MSN: variants seen among roughly 807,000 people sequenced by gnomAD.
MSN encodes the protein moesin.
Under a neutral mutation model 48.0 loss-of-function variants are expected in MSN, and 2 were observed. The ratio of observed to expected loss-of-function variants is 0.04; its 90% CI spans 0.02 to 0.13. The LOEUF (loss-of-function observed/expected upper bound fraction) is 0.13. Among genes scored for constraint, MSN ranks in the 10% least tolerant of loss-of-function variants. The pLI is 1.00. For synonymous variants in MSN, 146 were observed against 166.9 expected (o/e 0.87, Z 0.97); for missense variants, 267 against 470.1 (o/e 0.57, Z 3.99).
intron 1 of MSN, among the ~76,000 whole-genome samples, chrX:65,654,032 T>TCCC (rs1444538102): frequency 9.2e-6 from 1 of 108,428 alleles, no homozygotes; most frequent in Non-Finnish European, 1.9e-5. Context: ...TGCCTCGGCC[T>TCCC]CCCAGTGTGC....
intron 1 of MSN, among the ~76,000 whole-genome samples, chrX:65,670,896 TTATATATATATA>T (rs57076717): frequency 0.026 from 367 of 13,990 alleles, 4 homozygotes; most frequent in Admixed American, 0.035. Context: ...ATGATGACAG[TTATATATATATA>T]TATATATATA....
chrX:65,682,546 A>G (rs1011043336), intron 1 of MSN, among the ~76,000 whole-genome samples: 1 of 111,541 alleles, frequency 9.0e-6, no homozygotes, highest in African/African-American at 3.3e-5. Flanking sequence ...GCTCAAGGTC[A>G]TGTATTGAGG....
At chrX:65,721,956 C>G (rs1208511895) in intron 2 of MSN, among the ~76,000 whole-genome samples, 1 of 111,578 alleles carries the variant, frequency 9.0e-6, no homozygotes, top group East Asian at 2.8e-4. Flanking sequence ...GTGGTGCATG[C>G]CTGTAGTCCT....
intron 1 of MSN, among the ~76,000 whole-genome samples, chrX:65,621,884 A>G (rs1226443187): frequency 9.0e-6 from 1 of 111,653 alleles, no homozygotes; most frequent in Non-Finnish European, 1.9e-5. Flanking sequence ...ATTCTTTTAG[A>G]TGCCATTTTA....
intron 1 of MSN, among the ~76,000 whole-genome samples, chrX:65,670,947 TATA>T (rs2070934090): frequency 1.8e-5 from 1 of 56,774 alleles, no homozygotes; most frequent in Admixed American, 2.1e-4. Context: ...TATATATATA[TATA>T]TATATTTAAA....
intron 1 of MSN, among the ~76,000 whole-genome samples, chrX:65,601,445 T>C (rs956200422): frequency 4.4e-4 from 50 of 112,404 alleles, no homozygotes; most frequent in African/African-American, 1.5e-3. Context: ...TTAAAAGAAG[T>C]AGAATAACTT....
At chrX:65,634,288 G>T (rs763472205) in intron 1 of MSN, among the ~76,000 whole-genome samples, 2 of 112,332 alleles carry the variant, frequency 1.8e-5, no homozygotes, top group East Asian at 5.6e-4. Flanking sequence ...TGATGCTCCC[G>T]TCTGTATGTA....
intron 1 of MSN, among the ~76,000 whole-genome samples, chrX:65,594,058 C>T (rs1182297155): frequency 2.7e-5 from 3 of 111,530 alleles, no homozygotes; most frequent in South Asian, 7.4e-4. Context: ...GAGAGGTTTC[C>T]GTTTAAGGAA....
At position 65,737,190 on chromosome X, in the gene MSN, A is replaced by G; in HGVS notation, c.1103A>G (p.Gln368Arg). 1 of 1,205,452 alleles carries G rather than the reference A, an allele frequency of 8.3e-7. No individual in the cohort carries two copies. The highest frequency in any genetic ancestry group is 1.1e-6 in the Non-Finnish European group (1 of 892,352). Residue 368 changes from glutamine to arginine, a missense_variant, in exon 10 of 13, where the codon CAG (glutamine) becomes CGG (arginine). Around this residue, in one of 5 missense-constraint regions of MSN, gnomAD observed 70 missense variants for 76.3 expected, o/e 0.92. Transcript: ENST00000360270. The part of the protein sequence containing the change: ...TKKAQQELEE[Q>R]TRRALELEQE... ...CTTTTCTGCTCAGAACTGGAAGAACAGACCCGTAGGGCTCTGGAACTTGAG... is the reference window on the plus strand; with the variant it reads ...CTTTTCTGCTCAGAACTGGAAGAACGGACCCGTAGGGCTCTGGAACTTGAG...
At chrX:65,731,015 G>A in intron 4 of MSN, 92 bp from the exon 5 acceptor site, 1 of 701,767 alleles carries the variant, frequency 1.4e-6, no homozygotes, top group Non-Finnish European at 2.1e-6. Context: ...CATCCTCTTT[G>A]CATCAGCCCC....
chrX:65,632,425 T>C (rs1458651092), intron 1 of MSN, among the ~76,000 whole-genome samples: 1 of 112,496 alleles, frequency 8.9e-6, no homozygotes, highest in Non-Finnish European at 1.9e-5. Flanking sequence ...ATCTGTGGTA[T>C]GCTGTTGTAG....
intron 1 of MSN, among the ~76,000 whole-genome samples, chrX:65,654,710 G>A (rs751632279): frequency 1.8e-5 from 2 of 111,279 alleles, no homozygotes; most frequent in South Asian, 3.7e-4. Context: ...AGGCATATAC[G>A]TATGAATAAA....
chrX:65,731,247 C>T (rs1235133564), intron 5 of MSN, 57 bp downstream of exon 5: 22 of 962,945 alleles, frequency 2.3e-5, no homozygotes, highest in East Asian at 3.3e-5. Flanking sequence ...AATGAGAATG[C>T]GTTCTAGGGA....
At chrX:65,609,753 T>G (rs993348581) in intron 1 of MSN, among the ~76,000 whole-genome samples, 1 of 111,263 alleles carries the variant, frequency 9.0e-6, no homozygotes, top group African/African-American at 3.3e-5. Context: ...CGTGGTGGCA[T>G]GTGCCTGTAG....
rs2071729128 is a variant in MSN at position 65,740,752 on chromosome X, A to G, written c.*859A>G. On this transcript the variant is annotated 3_prime_UTR_variant, in exon 13 of 13. Coordinates refer to ENST00000360270, the MANE Select transcript of MSN (RefSeq NM_002444.3). Reference sequence around the variant, plus strand: ...GTGGGATCTGCCCCTCCCTGCTTCAATACCCAAATCCTCTCCAGCTATAAC... The same window carrying G: ...GTGGGATCTGCCCCTCCCTGCTTCAGTACCCAAATCCTCTCCAGCTATAAC... The G allele has an allele frequency of 1.2e-5, 2 of 172,604 alleles. No individual in the cohort carries two copies. The highest frequency in any genetic ancestry group is 3.0e-5 in the African/African-American group (1 of 33,764). 14.2% of individuals were successfully genotyped at this position (172,604 alleles called of 1,213,427 possible).
intron 1 of MSN, among the ~76,000 whole-genome samples, chrX:65,686,482 T>C (rs1030542078): frequency 3.5e-5 from 4 of 112,948 alleles, no homozygotes; most frequent in African/African-American, 9.6e-5. Flanking sequence ...CTCTTAGTGA[T>C]TGGCACTTTC....
At chrX:65,727,271 G>T (rs1401734690) in intron 2 of MSN, among the ~76,000 whole-genome samples, 6 of 111,769 alleles carry the variant, frequency 5.4e-5, no homozygotes, top group African/African-American at 2.0e-4. Flanking sequence ...TATGGGAGTG[G>T]CCCAAGAGAA....
rs191738206 is a variant in MSN at position 65,672,876 on chromosome X, C to T, written c.12+5023C>T. Among the ~76,000 whole-genome samples, 160 of 111,684 alleles carry T rather than the reference C, an allele frequency of 1.4e-3. 1 individual carries two copies. Among genetic ancestry groups the T allele is most frequent in the African/African-American group, 4.8e-3 (148 of 30,755 alleles). ...TTCATTCCTTCAGACATTCTTTCTT[C>T]AACATTTGGGTACCTTCTATGTGCC... is the stretch of plus-strand genomic sequence containing the variant. On this transcript the variant is annotated intron_variant, in intron 1 of 12. Coordinates refer to ENST00000360270, the MANE Select transcript of MSN (RefSeq NM_002444.3).
Position 65,729,515 on chromosome X carries a change from C to A in MSN, c.270C>A (p.Ser90=), listed in dbSNP as rs777718355. The change falls in exon 4 of 13, where the codon TCC becomes TCA. Residue 90 remains serine, a synonymous_variant. Transcript: ENST00000360270. ...FRAKFYPEDV[S]EELIQDITQR... The stretch of plus-strand genomic sequence containing the variant: ...CCAAGTTCTACCCTGAGGATGTGTC[C>A]GAGGAATTGATTCAGGACATCACTC... 4.1e-6 allele frequency: 5 copies of A among 1,211,548 alleles called. No homozygotes were observed. Among genetic ancestry groups the A allele is most frequent in the East Asian group, 3.0e-5 (1 of 33,849 alleles).
Sources: allele counts gnomAD v4.1 joint callset (sites outside exome capture counted in the v4.1 genomes callset), GRCh38; gene constraint gnomAD v4.1.1; regional missense constraint gnomAD v4.1.1; transcripts MANE v1.5; gene names NCBI Gene and HGNC (gene_info 2026-07-23, HGNC 2026-07-21).